RANBP2: variants seen among roughly 807,000 people sequenced by gnomAD.
RANBP2 encodes RAN binding protein 2, also known as E3 SUMO-protein ligase RanBP2.
In RANBP2, 57 loss-of-function variants were observed where a neutral mutation model predicts 303.6. That is an observed-to-expected ratio of 0.19 (90% CI 0.15 to 0.23). RANBP2 has a LOEUF of 0.23. Ranked by LOEUF, RANBP2 falls within the 10% of genes least tolerant of loss-of-function variation. The pLI is 1.00. For missense variants in RANBP2, 3,138 were observed against 3,780.8 expected (o/e 0.83, Z 4.46); for synonymous variants, 1,167 against 1,301.5 (o/e 0.90, Z 2.23).
the RANBP2 span, among the ~76,000 whole-genome samples, chr2:109,180,336 C>A: frequency 3.3e-5 from 5 of 152,142 alleles, no homozygotes; most frequent in Admixed American, 6.5e-5. Context: ...TTCTCTGTTT[C>A]CTGATTCCAT....
the RANBP2 span, among the ~76,000 whole-genome samples, chr2:109,183,724 A>G: frequency 6.6e-6 from 1 of 152,224 alleles, no homozygotes; most frequent in Non-Finnish European, 1.5e-5. Flanking sequence ...ACTTTCCTAC[A>G]TGGAGCATTT....
At chr2:108,946,510 T>C in the RANBP2 span, among the ~76,000 whole-genome samples, 13 of 152,350 alleles carry the variant, frequency 8.5e-5, no homozygotes, top group African/African-American at 3.1e-4. Context: ...AGTGGAATTA[T>C]ATTAGTCCAT....
chr2:109,424,026 A>G, the RANBP2 span, among the ~76,000 whole-genome samples: 7 of 152,168 alleles, frequency 4.6e-5, no homozygotes, highest in Non-Finnish European at 1.5e-5. Flanking sequence ...GTTGCAGTGG[A>G]GGGAAGGAGC....
the RANBP2 span, among the ~76,000 whole-genome samples, chr2:109,524,774 T>A: frequency 3.7e-4 from 56 of 151,848 alleles, no homozygotes; most frequent in South Asian, 1.0e-3. Flanking sequence ...AAATAAAAAT[T>A]AAAATTAAAA....
the RANBP2 span, among the ~76,000 whole-genome samples, chr2:109,436,665 G>T: frequency 2.6e-5 from 4 of 152,210 alleles, no homozygotes; most frequent in African/African-American, 9.6e-5. Flanking sequence ...TTCTCAGGGC[G>T]GCTTTGCTAT....
At chr2:109,172,306 A>G in the RANBP2 span, among the ~76,000 whole-genome samples, 1 of 152,230 alleles carries the variant, frequency 6.6e-6, no homozygotes, top group Admixed American at 6.5e-5. Flanking sequence ...TCTCCTGACA[A>G]GGACCTTGCA....
the RANBP2 span, among the ~76,000 whole-genome samples, chr2:108,908,913 C>G: frequency 6.6e-6 from 1 of 152,038 alleles, no homozygotes. Context: ...CCAGTGGGAC[C>G]CACTTCCTCA....
At chr2:108,760,505 T>TA (rs1676650679) in intron 18 of RANBP2, among the ~76,000 whole-genome samples, 1 of 152,228 alleles carries the variant, frequency 6.6e-6, no homozygotes, top group South Asian at 2.1e-4. Flanking sequence ...CCTAGTTTTA[T>TA]AGGGTATTCA....
At chr2:108,954,436 G>C in the RANBP2 span, among the ~76,000 whole-genome samples, 1 of 152,154 alleles carries the variant, frequency 6.6e-6, no homozygotes, top group Non-Finnish European at 1.5e-5. Context: ...GGATAGGTGT[G>C]GTGGTCTCTA....
the RANBP2 span, among the ~76,000 whole-genome samples, chr2:109,496,381 T>C: frequency 6.6e-6 from 1 of 152,162 alleles, no homozygotes; most frequent in Non-Finnish European, 1.5e-5. Flanking sequence ...CACTCCTAGC[T>C]GCAGTGCTGA....
the RANBP2 span, among the ~76,000 whole-genome samples, chr2:109,329,298 G>A: frequency 2.0e-5 from 3 of 152,130 alleles, no homozygotes; most frequent in East Asian, 5.8e-4. Flanking sequence ...ACATCCTGGA[G>A]ATGTGGAAAA....
the RANBP2 span, among the ~76,000 whole-genome samples, chr2:109,597,221 A>T: frequency 6.6e-6 from 1 of 152,240 alleles, no homozygotes; most frequent in Admixed American, 6.5e-5. Flanking sequence ...GATTATAGGC[A>T]TGAGCCACCG....
At chr2:109,331,412 G>A in the RANBP2 span, among the ~76,000 whole-genome samples, 18 of 152,188 alleles carry the variant, frequency 1.2e-4, no homozygotes, top group East Asian at 3.5e-3. Context: ...ATTGGAGTGT[G>A]AGAACTGGGG....
chr2:109,509,995 G>T, the RANBP2 span, among the ~76,000 whole-genome samples: 1 of 152,222 alleles, frequency 6.6e-6, no homozygotes, highest in African/African-American at 2.4e-5. Context: ...GAGGTGAGGG[G>T]CATGGAGGGC....
the RANBP2 span, among the ~76,000 whole-genome samples, chr2:108,862,206 C>A: frequency 6.7e-6 from 1 of 149,040 alleles, no homozygotes; most frequent in Non-Finnish European, 1.5e-5. Flanking sequence ...AAAAAAAAAA[C>A]AAAACAGGAA....
chr2:108,763,849 A>G lies in RANBP2; in HGVS notation c.3310A>G (p.Lys1104Glu). 8 of 1,614,096 alleles carry G rather than the reference A, an allele frequency of 5.0e-6. No individual in the cohort carries two copies. The South Asian group carries it at 7.7e-5, about 16-fold the overall frequency. Reference sequence around the variant, plus strand: ...TCGAAATACATTCAATTTTGGAAGCAAAAATGTGTCTGGAATTTCATTTAC... The same window carrying G: ...TCGAAATACATTCAATTTTGGAAGCGAAAATGTGTCTGGAATTTCATTTAC... ...GPRNTFNFGS[K>E]NVSGISFTEN... The change falls in exon 20 of 29, where the codon AAA (lysine) becomes GAA (glutamate). Residue 1104 changes from lysine (K) to glutamate (E), a missense_variant. By Grantham distance (56) the Lys-to-Glu change is moderately conservative (BLOSUM62 1). This residue lies in a region of RANBP2 where 403 missense variants were observed against 376.7 expected (regional missense o/e 1.07). Coordinates refer to ENST00000283195, the MANE Select transcript of RANBP2 (RefSeq NM_006267.5).
chr2:108,999,234 T>C, the RANBP2 span, among the ~76,000 whole-genome samples: 1 of 152,224 alleles, frequency 6.6e-6, no homozygotes, highest in Non-Finnish European at 1.5e-5. Flanking sequence ...CAGTACCTAC[T>C]TCATAGGATT....
chr2:108,899,352 G>C, the RANBP2 span, among the ~76,000 whole-genome samples: 1 of 152,170 alleles, frequency 6.6e-6, no homozygotes, highest in Non-Finnish European at 1.5e-5. Flanking sequence ...CTTCAGGAAA[G>C]CATGAGAATA....
At chr2:108,768,671 C>T (rs1677285277) in intron 20 of RANBP2, among the ~76,000 whole-genome samples, 1 of 152,230 alleles carries the variant, frequency 6.6e-6, no homozygotes, top group African/African-American at 2.4e-5. Context: ...TTGAATCATG[C>T]ACATTAACGT....
Sources: gnomAD v4.1 joint callset for allele counts (sites outside exome capture counted in the v4.1 genomes callset) on GRCh38, gnomAD v4.1.1 for gene constraint, gnomAD v4.1.1 regional missense constraint, MANE v1.5 for transcripts, NCBI Gene and HGNC (gene_info 2026-07-23, HGNC 2026-07-21) for gene names.